ABI3BP: variants seen among roughly 807,000 people sequenced by gnomAD.
The protein encoded by ABI3BP is ABI family member 3 binding protein.
In ABI3BP, 216 loss-of-function variants were observed where a neutral mutation model predicts 268.6. The ratio of observed to expected loss-of-function variants is 0.80; its 90% CI spans 0.72 to 0.90. The LOEUF is 0.90. ABI3BP is among the 40% of genes least tolerant of loss of function. ABI3BP has a pLI of 0.00. For missense variants in ABI3BP, 2,090 were observed against 2,182.4 expected, an observed-to-expected ratio of 0.96 and a Z score of 0.84; for synonymous variants, 730 against 730.0, an observed-to-expected ratio of 1.00 and a Z score of 0.00.
At chr3:100,774,475 C>T (rs2150067092) in intron 61 of ABI3BP, 130 bp downstream of exon 61, 2 of 652,596 alleles carry the variant, frequency 3.1e-6, no homozygotes, top group South Asian at 4.6e-5. Flanking sequence ...TGCAGACACC[C>T]ATGAAAAATA....
At chr3:100,867,649 A>AAAAAAG (rs2099066350) in intron 9 of ABI3BP, among the ~76,000 whole-genome samples, 4 of 151,110 alleles carry the variant, frequency 2.6e-5, no homozygotes, top group South Asian at 4.2e-4. Context: ...TCAAAAAAAA[A>AAAAAAG]AAAAAAAAAA....
chr3:100,969,390 G>A (rs987021679), intron 1 of ABI3BP, among the ~76,000 whole-genome samples: 8 of 152,218 alleles, frequency 5.3e-5, no homozygotes, highest in African/African-American at 1.7e-4. Flanking sequence ...CTACCAATCC[G>A]GCCCCACATC....
intron 9 of ABI3BP, among the ~76,000 whole-genome samples, chr3:100,868,963 C>A (rs1162979119): frequency 6.6e-6 from 1 of 151,966 alleles, no homozygotes; most frequent in Non-Finnish European, 1.5e-5. Context: ...TTTCAACATG[C>A]CCCACAGGAA....
intron 6 of ABI3BP, among the ~76,000 whole-genome samples, chr3:100,877,673 A>T (rs1422200317): frequency 2.0e-5 from 3 of 152,200 alleles, no homozygotes; most frequent in Non-Finnish European, 2.9e-5. Flanking sequence ...AAAATTATAC[A>T]CAGGAGAATT....
intron 11 of ABI3BP, chr3:100,864,520 C>T (rs984300180): frequency 3.0e-6 from 1 of 329,328 alleles, no homozygotes; most frequent in Admixed American, 4.5e-5. Flanking sequence ...CCTTCATTCT[C>T]CCCCAAGATT....
In ABI3BP at chr3:100,754,607, ATTACCTGATTCAGTAC is replaced by A. The variant is rs760421649; in HGVS notation, c.4919_4930+4del. 1 of 1,575,066 alleles carries A rather than the reference ATTACCTGATTCAGTAC, an allele frequency of 6.3e-7. No individual in the cohort carries two copies. The highest frequency in any genetic ancestry group is 1.2e-5 in the South Asian group (1 of 85,520). ...CTTTTTGGGAATTACTGTTGATGTA[ATTACCTGATTCAGTAC>A]TGAATGCCACTGTGTTGCTGACCGG... On this transcript the variant is annotated splice_donor_variant and splice_donor_region_variant and coding_sequence_variant and intron_variant, in exon 64 of 68. Transcript: ENST00000471714. LOFTEE classifies it high-confidence loss of function.
rs114143831 is a variant in ABI3BP, at chr3:100,826,609, A to G, written c.2603-765T>C. ...GAAAACATGTACTATATGTTTATCA[A>G]ATTATGGTTGCAGAAAAAGTGATGA... On this transcript the variant is annotated intron_variant, in intron 34 of 67. Coordinates refer to ENST00000471714, the MANE Select transcript of ABI3BP (RefSeq NM_001375547.2). 8.8e-3 allele frequency among the ~76,000 whole-genome samples: 1,341 copies of G among 152,338 alleles called. 17 individuals carry two copies. Among genetic ancestry groups the G allele is most frequent in the African/African-American group, 0.031 (1,289 of 41,584 alleles).
chr3:100,920,443 AGAT>A (rs1482162949), intron 2 of ABI3BP, among the ~76,000 whole-genome samples: 1 of 151,990 alleles, frequency 6.6e-6, no homozygotes, highest in Non-Finnish European at 1.5e-5. Context: ...TATTTTTTTA[AGAT>A]GGAGTCTTGC....
intron 61 of ABI3BP, among the ~76,000 whole-genome samples, chr3:100,772,221 C>A (rs763603152): frequency 6.6e-6 from 1 of 152,166 alleles, no homozygotes; most frequent in East Asian, 1.9e-4. Context: ...TGCCAGAAGG[C>A]CCACACTAAA....
At position 100,824,506 on chromosome 3, in the gene ABI3BP, C is replaced by T. The variant is rs572679746; in HGVS notation, c.2746+352G>A. Among the ~76,000 whole-genome samples the T allele has an allele frequency of 5.9e-5, 9 of 152,254 alleles. No individual in the cohort carries two copies. In the South Asian group the frequency reaches 8.3e-4, roughly 14 times the overall value. On this transcript the variant is annotated intron_variant, in intron 36 of 67. Coordinates refer to ENST00000471714, the MANE Select transcript of ABI3BP (RefSeq NM_001375547.2). ...TCACCCATGGTTGCCAGCATGGGAACGGGAATATGCAAGGCACTTACGATT... is the reference window on the plus strand; with the variant it reads ...TCACCCATGGTTGCCAGCATGGGAATGGGAATATGCAAGGCACTTACGATT...
intron 31 of ABI3BP, 48 bp from the exon 32 acceptor site, chr3:100,830,682 A>G: frequency 1.4e-6 from 2 of 1,446,214 alleles, no homozygotes; most frequent in Non-Finnish European, 1.9e-6. Context: ...TGAATGCATG[A>G]AATGTTGGAA....
chr3:100,757,995 A>C (rs1394591444), intron 63 of ABI3BP, among the ~76,000 whole-genome samples: 7 of 152,198 alleles, frequency 4.6e-5, no homozygotes, highest in Admixed American at 4.6e-4. Flanking sequence ...CCAGATGACA[A>C]ATGCTGTCAA....
At chr3:100,940,175 C>T (rs775106357) in intron 1 of ABI3BP, among the ~76,000 whole-genome samples, 6 of 151,966 alleles carry the variant, frequency 3.9e-5, no homozygotes, top group South Asian at 2.1e-4. Flanking sequence ...GGTCCTGAGG[C>T]GACATACATC....
intron 50 of ABI3BP, among the ~76,000 whole-genome samples, chr3:100,805,356 G>C (rs1242471449): frequency 6.6e-6 from 1 of 152,026 alleles, no homozygotes; most frequent in Non-Finnish European, 1.5e-5. Flanking sequence ...GAATGTGTTG[G>C]TTCACATCTT....
intron 1 of ABI3BP, among the ~76,000 whole-genome samples, chr3:100,966,315 A>T (rs2081284631): frequency 6.6e-6 from 1 of 152,222 alleles, no homozygotes; most frequent in Non-Finnish European, 1.5e-5. Context: ...AGCTTTTGCC[A>T]ACTTTTCTCT....
intron 51 of ABI3BP, among the ~76,000 whole-genome samples, chr3:100,798,239 C>A (rs2097411950): frequency 6.6e-6 from 1 of 152,098 alleles, no homozygotes; most frequent in Non-Finnish European, 1.5e-5. Context: ...AAAATTGGCA[C>A]TTTTCTTTTT....
At position 100,772,056 on chromosome 3, in the gene ABI3BP, G is replaced by A. The variant is rs1003349499; in HGVS notation, c.4532-1104C>T. Reference sequence around the variant, plus strand: ...CAGAACAACAAAGATAAGGATTGTGGCAGATTTCTTACTAGAAAGAATGCA... The same window carrying A: ...CAGAACAACAAAGATAAGGATTGTGACAGATTTCTTACTAGAAAGAATGCA... On this transcript the variant is annotated intron_variant, in intron 61 of 67. Coordinates refer to ENST00000471714, the MANE Select transcript of ABI3BP (RefSeq NM_001375547.2). 9.2e-5 allele frequency among the ~76,000 whole-genome samples: 14 copies of A among 152,284 alleles called. No homozygotes were observed. In the South Asian group the frequency reaches 2.9e-3, roughly 32 times the overall value.
rs755009454 is a variant in ABI3BP at position 100,909,105 on chromosome 3, G to A, written c.260-6419C>T. On this transcript the variant is annotated intron_variant, in intron 2 of 67. Coordinates refer to ENST00000471714, the MANE Select transcript of ABI3BP (RefSeq NM_001375547.2). Reference sequence around the variant, plus strand: ...ACAGAGGCCTCAGAAATAACAGCACGCATCTACAACCATCTGATGTTTGAC... The same window carrying A: ...ACAGAGGCCTCAGAAATAACAGCACACATCTACAACCATCTGATGTTTGAC... Among the ~76,000 whole-genome samples the A allele has an allele frequency of 2.4e-4, 36 of 152,002 alleles. 1 individual carries two copies. The highest frequency in any genetic ancestry group is 1.0e-3 in the South Asian group (5 of 4,828).
chr3:100,902,622 A>G lies in ABI3BP; in HGVS notation c.324T>C (p.Cys108=). 1 of 1,613,852 alleles carries G rather than the reference A, an allele frequency of 6.2e-7. No homozygotes were observed. The highest frequency in any genetic ancestry group is 8.5e-7 in the Non-Finnish European group (1 of 1,179,764). ...ATTCAATGCAAAGGACTATACCTGA[A>G]CATGACTTCTTTTGACTTGGAGGTG... The part of the protein sequence containing the change: ...PAPPPSQKKS[C]SGKTRSRKPL... Residue 108 remains cysteine, a synonymous_variant, in exon 3 of 68, where the codon TGT becomes TGC. Coordinates refer to ENST00000471714, the MANE Select transcript of ABI3BP (RefSeq NM_001375547.2).
Sources: gnomAD v4.1 joint callset for allele counts (sites outside exome capture counted in the v4.1 genomes callset) on GRCh38, gnomAD v4.1.1 for gene constraint, MANE v1.5 for transcripts, NCBI Gene and HGNC (gene_info 2026-07-23, HGNC 2026-07-21) for gene names.